The following RC3H2 variants were observed in gnomAD, a reference collection of about 807,000 sequenced individuals.
RC3H2 encodes roquin-2.
A neutral mutation model predicts 133.3 loss-of-function variants in RC3H2; 31 were observed. The observed-to-expected ratio is 0.23, with a 90% CI of 0.17 to 0.31. The LOEUF is 0.31. RC3H2 is among the 10% of genes least tolerant of loss of function. RC3H2 has a pLI of 1.00. For missense variants in RC3H2, 1,175 were observed against 1,437.2 expected, an observed-to-expected ratio of 0.82 and a Z score of 2.95; for synonymous variants, 517 against 502.2, an observed-to-expected ratio of 1.03 and a Z score of -0.40.
chr9:122,893,389 G>A lies in RC3H2; in HGVS notation c.232-363C>T, dbSNP rs554782491. Among the ~76,000 whole-genome samples, 7 of 152,272 alleles carry A rather than the reference G, an allele frequency of 4.6e-5. No individual in the cohort carries two copies. In the East Asian group the frequency reaches 1.2e-3, roughly 25 times the overall value. ...GATGCCTGTGATTCTAGCTACTCAG[G>A]AGGCTGAGGCAGGAGAATCTCTTGA... On this transcript the variant is annotated intron_variant, in intron 2 of 20. Transcript: ENST00000357244.
Position 122,849,522 on chromosome 9 carries a change from T to C in RC3H2, c.*105A>G. 2.5e-6 allele frequency: 1 copy of C among 395,770 alleles called. No individual in the cohort carries two copies. Among genetic ancestry groups the C allele is most frequent in the Non-Finnish European group, 3.8e-6 (1 of 261,120 alleles). The allele number at this position is 395,770 out of a possible 1,614,324, so 24.5% of individuals were successfully genotyped here. The stretch of plus-strand genomic sequence containing the variant: ...GGAAATGGATGCCCCCAGTAATATC[T>C]TTTTTTTAAAAAAAATATACATTAT... On this transcript the variant is annotated 3_prime_UTR_variant, in exon 21 of 21. Coordinates refer to ENST00000357244, the MANE Select transcript of RC3H2 (RefSeq NM_001100588.3).
At chr9:122,865,799 C>T in intron 9 of RC3H2, 142 bp from the exon 10 acceptor site, 5 of 645,828 alleles carry the variant, frequency 7.7e-6, no homozygotes, top group Non-Finnish European at 1.1e-5. Context: ...TAATCAAATA[C>T]AGTCTATATC....
intron 2 of RC3H2, 132 bp downstream of exon 2, chr9:122,897,147 T>C (rs949961354): frequency 4.2e-6 from 3 of 719,830 alleles, no homozygotes; most frequent in African/African-American, 1.8e-5. Flanking sequence ...AGGAAGTTTA[T>C]GAATTTGTGT....
chr9:122,875,702 T>A (rs111674006), intron 9 of RC3H2, among the ~76,000 whole-genome samples: 143 of 152,214 alleles, frequency 9.4e-4, no homozygotes, highest in African/African-American at 3.2e-3. Context: ...AAAGGAAAGG[T>A]CTCAAAGGCA....
At chr9:122,904,108 G>C (rs1240568063) in intron 1 of RC3H2, among the ~76,000 whole-genome samples, 10 of 152,004 alleles carry the variant, frequency 6.6e-5, no homozygotes, top group Admixed American at 6.6e-4. Context: ...TACAAAATTG[G>C]AAAAAAGATT....
chr9:122,902,968 T>TA (rs962928293), intron 1 of RC3H2, among the ~76,000 whole-genome samples: 26 of 152,040 alleles, frequency 1.7e-4, no homozygotes, highest in African/African-American at 6.0e-4. Flanking sequence ...ACTGAGATAT[T>TA]AAAAAAAATC....
chr9:122,876,723 A>G (rs1029588647), intron 9 of RC3H2, among the ~76,000 whole-genome samples: 9 of 152,176 alleles, frequency 5.9e-5, no homozygotes, highest in African/African-American at 2.2e-4. Context: ...TCTTAGTTAA[A>G]AAACAAAACA....
chr9:122,870,919 A>G (rs1473357953), intron 9 of RC3H2, among the ~76,000 whole-genome samples: 1 of 152,208 alleles, frequency 6.6e-6, no homozygotes, highest in Non-Finnish European at 1.5e-5. Flanking sequence ...CACGCTGTCT[A>G]TAATCCCTTC....
At chr9:122,880,219 T>A (rs753188549) in intron 6 of RC3H2, 94 bp from the exon 7 acceptor site, 1 of 1,351,630 alleles carries the variant, frequency 7.4e-7, no homozygotes, top group Non-Finnish European at 1.1e-6. Context: ...TAATACGTTT[T>A]CAAGTGTCTT....
intron 1 of RC3H2, among the ~76,000 whole-genome samples, chr9:122,899,125 CAG>C (rs1213034028): frequency 2.0e-5 from 2 of 101,924 alleles, no homozygotes; most frequent in African/African-American, 7.8e-5. Flanking sequence ...TTTTCAGAGA[CAG>C]AGTCTCCCTC....
At chr9:122,868,077 C>T (rs1284731128) in intron 9 of RC3H2, among the ~76,000 whole-genome samples, 1 of 134,540 alleles carries the variant, frequency 7.4e-6, no homozygotes, top group Non-Finnish European at 1.6e-5. Flanking sequence ...GTTGGGGGGT[C>T]AGCACCCCGC....
At chr9:122,885,823 C>T (rs890654549) in intron 4 of RC3H2, among the ~76,000 whole-genome samples, 3 of 152,188 alleles carry the variant, frequency 2.0e-5, no homozygotes, top group Non-Finnish European at 2.9e-5. Flanking sequence ...TACACAGCCC[C>T]TGGCAACACT....
intron 4 of RC3H2, among the ~76,000 whole-genome samples, chr9:122,889,652 A>AT (rs1158188686): frequency 2.6e-5 from 4 of 151,338 alleles, no homozygotes; most frequent in East Asian, 1.9e-4. Flanking sequence ...GAGTTTAAAC[A>AT]TTTTTTTTCA....
At chr9:122,899,285 T>C (rs1020375915) in intron 1 of RC3H2, among the ~76,000 whole-genome samples, 54 of 152,006 alleles carry the variant, frequency 3.6e-4, no homozygotes, top group African/African-American at 1.3e-3. Context: ...AGACAGGGTT[T>C]CTCCATGTTG....
intron 4 of RC3H2, chr9:122,890,028 G>A (rs950409030): frequency 1.7e-6 from 1 of 575,842 alleles, no homozygotes. Flanking sequence ...TGTAGTCCCA[G>A]CTACTTAGGG....
rs1324377108 is a variant in RC3H2 at position 122,845,581 on chromosome 9, AT to A, written c.*4045del. 2 of 152,206 alleles carry A rather than the reference AT, an allele frequency of 1.3e-5. No individual in the cohort carries two copies. Among genetic ancestry groups the A allele is most frequent in the African/African-American group, 4.8e-5 (2 of 41,452 alleles). 9.4% of individuals were successfully genotyped at this position (152,206 alleles called of 1,614,324 possible). A position where few individuals can be genotyped will look rare whatever the true frequency, so the allele number is the denominator to read the frequency against. On this transcript the variant is annotated 3_prime_UTR_variant, in exon 21 of 21. Transcript: ENST00000357244. ...ACTGCCAATTTTAGACTAGAAGGGA[AT>A]AACTGCTCTTGGAGTAAAAATAAGA...
chr9:122,904,999 C>T (rs1832787005), intron 1 of RC3H2, 111 bp downstream of exon 1: 4 of 775,620 alleles, frequency 5.2e-6, no homozygotes, highest in Non-Finnish European at 6.3e-6. Context: ...CTCGAGGCAC[C>T]AGGGGCGACA....
At chr9:122,850,647 T>G (rs759044646) in intron 20 of RC3H2, among the ~76,000 whole-genome samples, 1 of 151,798 alleles carries the variant, frequency 6.6e-6, no homozygotes, top group Non-Finnish European at 1.5e-5. Context: ...TTTCACTATG[T>G]TGGCCAGGCT....
chr9:122,860,052 G>C lies in RC3H2; in HGVS notation c.1714C>G (p.Leu572Val), dbSNP rs1830397698. The change falls in exon 11 of 21, where the codon CTG becomes GTG. Residue 572 changes from leucine to valine, a missense_variant. Physicochemically the swap from Leu to Val is conservative, Grantham distance 32. Coordinates refer to ENST00000357244, the MANE Select transcript of RC3H2 (RefSeq NM_001100588.3). Reference sequence around the variant, plus strand: ...CTGGATTTTTGAGGCACAGAATTCAGCTCTGTTCCAACATTAGAGGGCCCA... The same window carrying C: ...CTGGATTTTTGAGGCACAGAATTCACCTCTGTTCCAACATTAGAGGGCCCA... ...SAGPSNVGTE[L>V]NSVPQKSSPF... 6.2e-7 allele frequency: 1 copy of C among 1,613,962 alleles called. No individual in the cohort carries two copies. The highest frequency in any genetic ancestry group is 1.3e-5 in the African/African-American group (1 of 74,884).
Sources: gnomAD v4.1 joint callset for allele counts (sites outside exome capture counted in the v4.1 genomes callset) on GRCh38, gnomAD v4.1.1 for gene constraint, MANE v1.5 for transcripts, NCBI Gene and HGNC (gene_info 2026-07-23, HGNC 2026-07-21) for gene names.